The following FRMD4B variants were observed in gnomAD, a reference collection of about 807,000 sequenced individuals.
The protein encoded by FRMD4B is FERM domain containing 4B, also known as FERM domain-containing protein 4B.
In FRMD4B, 74 loss-of-function variants were observed where a neutral mutation model predicts 141.5. That is an observed-to-expected ratio of 0.52 (90% CI 0.43 to 0.63). The LOEUF (loss-of-function observed/expected upper bound fraction) is 0.63, where lower values mean the gene tolerates loss of function less well. Among genes scored for constraint, FRMD4B ranks in the 30% least tolerant of loss-of-function variants. FRMD4B has a pLI of 0.00. For synonymous variants in FRMD4B, 506 were observed against 467.9 expected (o/e 1.08, Z -1.05); for missense variants, 1,366 against 1,253.4 (o/e 1.09, Z -1.36).
At chr3:69,370,186 G>A (rs1388871214) in intron 1 of FRMD4B, among the ~76,000 whole-genome samples, 1 of 151,300 alleles carries the variant, frequency 6.6e-6, no homozygotes, top group African/African-American at 2.4e-5. Flanking sequence ...TTTAACTCCA[G>A]TGGATGGGAA....
chr3:69,384,667 T>G (rs1313331025), intron 1 of FRMD4B, among the ~76,000 whole-genome samples: 1 of 152,218 alleles, frequency 6.6e-6, no homozygotes, highest in Non-Finnish European at 1.5e-5. Context: ...AGATATGTTA[T>G]ACAAAGCAGA....
At chr3:69,270,839 C>T (rs955551243) in intron 5 of FRMD4B, among the ~76,000 whole-genome samples, 7 of 152,164 alleles carry the variant, frequency 4.6e-5, no homozygotes, top group African/African-American at 1.7e-4. Flanking sequence ...GCTGGGATTA[C>T]AGGTGTGAGC....
intron 1 of FRMD4B, among the ~76,000 whole-genome samples, chr3:69,443,885 C>T (rs192912924): frequency 1.4e-3 from 209 of 152,352 alleles, no homozygotes; most frequent in Non-Finnish European, 2.3e-3. Context: ...AAACAATAAC[C>T]AGCCATTGTT....
Position 69,170,803 on chromosome 3 carries a change from T to C in FRMD4B, c.*1058A>G, listed in dbSNP as rs1459084795. 2 of 152,184 alleles carry C rather than the reference T, an allele frequency of 1.3e-5. No homozygotes were observed. Among genetic ancestry groups the C allele is most frequent in the African/African-American group, 2.4e-5 (1 of 41,438 alleles). The allele number at this position is 152,184 out of a possible 1,614,324, so 9.4% of individuals were successfully genotyped here. ...AGCTTGGAGCTTTTTGTCGTTGTTG[T>C]TGTTTTTCTTTTTTAATGTTAACCT... On this transcript the variant is annotated 3_prime_UTR_variant, in exon 23 of 23. Coordinates refer to ENST00000398540, the MANE Select transcript of FRMD4B (RefSeq NM_015123.3).
intron 7 of FRMD4B, among the ~76,000 whole-genome samples, chr3:69,233,122 T>G (rs1352727122): frequency 6.6e-6 from 1 of 151,924 alleles, no homozygotes; most frequent in African/African-American, 2.4e-5. Context: ...GCATAAAAAA[T>G]GTATATTAAA....
At chr3:69,173,932 T>C (rs1221177574) in intron 22 of FRMD4B, among the ~76,000 whole-genome samples, 2 of 151,236 alleles carry the variant, frequency 1.3e-5, no homozygotes, top group Admixed American at 1.3e-4. Flanking sequence ...AGGTCAGGAG[T>C]TCAAGACCAG....
At chr3:69,517,865 G>A (rs370707655) in intron 1 of FRMD4B, among the ~76,000 whole-genome samples, 20 of 152,290 alleles carry the variant, frequency 1.3e-4, no homozygotes, top group South Asian at 1.2e-3. Context: ...TAGTGCAGTC[G>A]TTTTCATACT....
At chr3:69,283,420 C>A (rs374902639) in intron 5 of FRMD4B, among the ~76,000 whole-genome samples, 3 of 18,132 alleles carry the variant, frequency 1.7e-4, no homozygotes, top group African/African-American at 1.7e-4. Flanking sequence ...AACAAAAAAG[C>A]AACAACAACA....
In FRMD4B at chr3:69,170,944, T is replaced by G. The variant is rs1345400300; in HGVS notation, c.*917A>C. 6.6e-6 allele frequency: 1 copy of G among 152,176 alleles called. No homozygotes were observed. Among genetic ancestry groups the G allele is most frequent in the African/African-American group, 2.4e-5 (1 of 41,432 alleles). The allele number at this position is 152,176 out of a possible 1,614,324, so 9.4% of individuals were successfully genotyped here. Reference sequence around the variant, plus strand: ...CTAAAATGACGTGGCTTTTTTTTTCTGTTGTTTTGGATACTTTCTGTATCA... The same window carrying G: ...CTAAAATGACGTGGCTTTTTTTTTCGGTTGTTTTGGATACTTTCTGTATCA... On this transcript the variant is annotated 3_prime_UTR_variant, in exon 23 of 23. Transcript: ENST00000398540.
chr3:69,454,303 T>G (rs1356633279), intron 1 of FRMD4B, among the ~76,000 whole-genome samples: 1 of 152,234 alleles, frequency 6.6e-6, no homozygotes, highest in African/African-American at 2.4e-5. Context: ...GCTTGCTCTC[T>G]GCCCCTCCTC....
chr3:69,171,944 C>T lies in FRMD4B; in HGVS notation c.3022G>A (p.Gly1008Arg), dbSNP rs1180250720. The change falls in exon 23 of 23, where the codon GGA (glycine) becomes AGA (arginine). Residue 1008 changes from glycine to arginine, a missense_variant. Transcript: ENST00000398540. ...TEISQLDGTD[G>R]NQLEDNLESS... is the part of the protein sequence containing the mutation. ...TCCAGGTTGTCTTCCAGCTGGTTTCCATCTGTACCATCCAGTTGACTGATT... is the reference window on the plus strand; with the variant it reads ...TCCAGGTTGTCTTCCAGCTGGTTTCTATCTGTACCATCCAGTTGACTGATT... 1.2e-6 allele frequency: 2 copies of T among 1,612,514 alleles called. No homozygotes were observed. The highest frequency in any genetic ancestry group is 1.7e-5 in the Admixed American group (1 of 59,986).
intron 19 of FRMD4B, among the ~76,000 whole-genome samples, 183 bp downstream of exon 19, chr3:69,187,587 A>G (rs527237710): frequency 2.1e-4 from 31 of 148,208 alleles, no homozygotes; most frequent in Admixed American, 1.2e-3. Flanking sequence ...ATATGTATAT[A>G]TATGTATATT....
At chr3:69,198,922 C>A in intron 11 of FRMD4B, 148 bp from the exon 12 acceptor site, 1 of 613,768 alleles carries the variant, frequency 1.6e-6, no homozygotes, top group Non-Finnish European at 2.9e-6. Context: ...TTTTACAAAT[C>A]AACTATGACC....
intron 1 of FRMD4B, among the ~76,000 whole-genome samples, chr3:69,496,874 T>C (rs1160322316): frequency 2.0e-5 from 3 of 149,786 alleles, no homozygotes; most frequent in Non-Finnish European, 4.4e-5. Flanking sequence ...CCCCCAAGAG[T>C]TACATCTCTA....
rs1056583739 is a variant in FRMD4B, at chr3:69,385,967, C to A, written c.23G>T (p.Gly8Val). 2 of 1,603,782 alleles carry A rather than the reference C, an allele frequency of 1.2e-6. No individual in the cohort carries two copies. The highest frequency in any genetic ancestry group is 1.7e-6 in the Non-Finnish European group (2 of 1,175,436). Reference protein sequence around the residue: MASVFMCGVEDLLFSGSR... With the variant: MASVFMCVVEDLLFSGSR... ...GCCGCTGAACAGCAGGTCCTCCACG[C>A]CACACATGAACACCGAAGCCATGCC... Residue 8 changes from glycine (G) to valine (V), a missense_variant, in exon 1 of 23, where the codon GGC (glycine) becomes GTC (valine). Coordinates refer to ENST00000398540, the MANE Select transcript of FRMD4B (RefSeq NM_015123.3).
chr3:69,422,899 T>A (rs1040648380), intron 2 of FRMD4B, among the ~76,000 whole-genome samples: 2 of 152,186 alleles, frequency 1.3e-5, no homozygotes, highest in Non-Finnish European at 2.9e-5. Context: ...GTCCTGAAAG[T>A]TCTCTGATGG....
At chr3:69,174,935 AT>A (rs2092626858) in intron 22 of FRMD4B, among the ~76,000 whole-genome samples, 2 of 152,184 alleles carry the variant, frequency 1.3e-5, no homozygotes, top group Admixed American at 1.3e-4. Flanking sequence ...TTCAAACATT[AT>A]TTACAGAAGT....
chr3:69,301,542 C>T (rs2107162858), intron 4 of FRMD4B, among the ~76,000 whole-genome samples: 1 of 152,216 alleles, frequency 6.6e-6, no homozygotes, highest in South Asian at 2.1e-4. Context: ...GTTGGCCAGG[C>T]TGTTCTCAAA....
At chr3:69,453,442 C>A (rs760011303) in intron 1 of FRMD4B, among the ~76,000 whole-genome samples, 43 of 152,312 alleles carry the variant, frequency 2.8e-4, no homozygotes, top group Non-Finnish European at 4.3e-4. Flanking sequence ...ACCTGGAAAG[C>A]ACATGTATGT....
Sources: allele counts gnomAD v4.1 joint callset (sites outside exome capture counted in the v4.1 genomes callset), GRCh38; gene constraint gnomAD v4.1.1; transcripts MANE v1.5; gene names NCBI Gene and HGNC (gene_info 2026-07-23, HGNC 2026-07-21).